KHDRBS2: variants seen among roughly 807,000 people sequenced by gnomAD.
The protein encoded by KHDRBS2 is KH RNA binding domain containing, signal transduction associated 2.
KHDRBS2 carries 26 observed loss-of-function variants against 44.3 expected under a neutral mutation model. The ratio of observed to expected loss-of-function variants is 0.59; its 90% CI spans 0.43 to 0.81. KHDRBS2 has a LOEUF of 0.81. Among genes scored for constraint, KHDRBS2 ranks in the 40% least tolerant of loss-of-function variants. The pLI is 0.00. For synonymous variants in KHDRBS2, 194 were observed against 151.1 expected (o/e 1.28, Z -2.08); for missense variants, 476 against 433.1 (o/e 1.10, Z -0.88).
chr6:61,678,602 A>G (rs1372963603), downstream of KHDRBS2, among the ~76,000 whole-genome samples: 1 of 151,946 alleles, frequency 6.6e-6, no homozygotes, highest in Non-Finnish European at 1.5e-5. Flanking sequence ...GGTAGAATAT[A>G]GTAGTTCATA....
the KHDRBS2 span, among the ~76,000 whole-genome samples, chr6:61,669,013 T>C: frequency 6.6e-6 from 1 of 150,932 alleles, no homozygotes; most frequent in Admixed American, 6.6e-5. Context: ...TTTATGTTAT[T>C]ATATTGTTTA....
intron 6 of KHDRBS2, among the ~76,000 whole-genome samples, chr6:61,756,456 C>T (rs1401193180): frequency 2.4e-4 from 36 of 152,098 alleles, no homozygotes; most frequent in African/African-American, 8.0e-4. Context: ...GAGGGGGTTT[C>T]GCCATGTTGA....
At chr6:61,624,303 G>A in the KHDRBS2 span, among the ~76,000 whole-genome samples, 1 of 152,278 alleles carries the variant, frequency 6.6e-6, no homozygotes, top group East Asian at 1.9e-4. Context: ...TGGCTCTGTG[G>A]CCACTTAACC....
chr6:61,767,731 TAAAC>T (rs765005693), intron 6 of KHDRBS2, among the ~76,000 whole-genome samples: 50 of 152,278 alleles, frequency 3.3e-4, no homozygotes, highest in Non-Finnish European at 5.1e-4. Context: ...ACTGATTTCA[TAAAC>T]AAACAAGCAA....
intron 2 of KHDRBS2, among the ~76,000 whole-genome samples, chr6:62,144,439 A>C (rs1228302561): frequency 6.6e-6 from 1 of 151,826 alleles, no homozygotes; most frequent in Non-Finnish European, 1.5e-5. Flanking sequence ...TCCTAACCTC[A>C]TGTTTTTTTT....
At chr6:61,979,106 T>C (rs1396515320) in intron 3 of KHDRBS2, among the ~76,000 whole-genome samples, 1 of 152,112 alleles carries the variant, frequency 6.6e-6, no homozygotes, top group African/African-American at 2.4e-5. Context: ...AAGTATTTTA[T>C]ACATATCATC....
chr6:61,934,300 TA>T (rs1343873190), intron 4 of KHDRBS2, among the ~76,000 whole-genome samples: 1 of 152,226 alleles, frequency 6.6e-6, no homozygotes, highest in African/African-American at 2.4e-5. Context: ...ACTTTTTGGT[TA>T]GATGTAATTC....
intron 4 of KHDRBS2, among the ~76,000 whole-genome samples, chr6:61,914,951 C>T (rs1043561886): frequency 9.2e-5 from 14 of 152,158 alleles, no homozygotes; most frequent in African/African-American, 1.9e-4. Context: ...TGTGAAGTCA[C>T]GAAGCCATGA....
At chr6:61,869,080 G>A (rs1286279705) in intron 6 of KHDRBS2, among the ~76,000 whole-genome samples, 1 of 152,104 alleles carries the variant, frequency 6.6e-6, no homozygotes, top group Non-Finnish European at 1.5e-5. Context: ...TGGCTGGGGA[G>A]GGGGGTTCCC....
At chr6:61,949,712 G>A (rs1441923452) in intron 4 of KHDRBS2, among the ~76,000 whole-genome samples, 3 of 151,640 alleles carry the variant, frequency 2.0e-5, no homozygotes, top group Non-Finnish European at 4.4e-5. Flanking sequence ...TATTGTTTTT[G>A]TGTATTTGTA....
chr6:61,907,982 C>T (rs1319097435), intron 4 of KHDRBS2, among the ~76,000 whole-genome samples: 1 of 152,090 alleles, frequency 6.6e-6, no homozygotes, highest in Non-Finnish European at 1.5e-5. Flanking sequence ...TATTAGTTCA[C>T]TTGAATAGTA....
At chr6:62,064,233 C>A (rs1487910186) in intron 2 of KHDRBS2, among the ~76,000 whole-genome samples, 1 of 143,484 alleles carries the variant, frequency 7.0e-6, no homozygotes, top group African/African-American at 2.6e-5. Flanking sequence ...TCAATGCCAT[C>A]CCCATCAAGC....
intron 2 of KHDRBS2, among the ~76,000 whole-genome samples, chr6:62,071,392 G>A (rs1795045982): frequency 1.3e-5 from 2 of 152,140 alleles, no homozygotes; most frequent in South Asian, 4.1e-4. Flanking sequence ...TGCTTTTGGT[G>A]TCTTAGACAT....
chr6:61,811,874 C>A (rs1788181554), intron 6 of KHDRBS2, among the ~76,000 whole-genome samples: 1 of 152,036 alleles, frequency 6.6e-6, no homozygotes, highest in Non-Finnish European at 1.5e-5. Flanking sequence ...TCTTCATGTA[C>A]AATTCGGTTT....
intron 2 of KHDRBS2, among the ~76,000 whole-genome samples, chr6:62,109,224 C>A (rs1431634047): frequency 2.0e-5 from 3 of 151,870 alleles, no homozygotes; most frequent in Admixed American, 6.6e-5. Flanking sequence ...ACAATCTAAA[C>A]AAGAGAAACC....
rs535981288 is a variant in KHDRBS2, at chr6:62,066,615, C to T, written c.220-18621G>A. 4.0e-5 allele frequency among the ~76,000 whole-genome samples: 6 copies of T among 151,642 alleles called. No homozygotes were observed. The South Asian group carries it at 1.0e-3, about 26-fold the overall frequency. ...ATGTTTGTTCTTTAAAGAAGTTTTC[C>T]ATCTCTATATAATTTCATGAAATAA... On this transcript the variant is annotated intron_variant, in intron 2 of 8. Transcript: ENST00000281156.
intron 1 of KHDRBS2, among the ~76,000 whole-genome samples, chr6:62,280,919 G>A (rs1242518322): frequency 6.6e-6 from 1 of 152,144 alleles, no homozygotes; most frequent in Non-Finnish European, 1.5e-5. Flanking sequence ...AGACAATGAC[G>A]ATGGCTATGG....
At chr6:62,268,673 G>C (rs1218987940) in intron 1 of KHDRBS2, among the ~76,000 whole-genome samples, 1 of 151,922 alleles carries the variant, frequency 6.6e-6, no homozygotes, top group Non-Finnish European at 1.5e-5. Context: ...TGTTTAACGT[G>C]TTAATAGAGG....
intron 6 of KHDRBS2, among the ~76,000 whole-genome samples, chr6:61,890,362 C>G (rs1375834133): frequency 6.6e-6 from 1 of 152,108 alleles, no homozygotes; most frequent in African/African-American, 2.4e-5. Context: ...GAATATAACC[C>G]TTTTCACCCA....
Sources: allele counts gnomAD v4.1 joint callset (sites outside exome capture counted in the v4.1 genomes callset), GRCh38; gene constraint gnomAD v4.1.1; transcripts MANE v1.5; gene names NCBI Gene and HGNC (gene_info 2026-07-23, HGNC 2026-07-21).